The following MRPS25 variants were observed in gnomAD, a reference collection of about 807,000 sequenced individuals.
MRPS25 encodes small ribosomal subunit protein mS25.
A neutral mutation model predicts 17.3 loss-of-function variants in MRPS25; 15 were observed. The observed-to-expected ratio is 0.87, with a 90% CI of 0.58 to 1.34. The LOEUF (loss-of-function observed/expected upper bound fraction) is 1.34. MRPS25 is among the 40% of genes most tolerant of loss of function. The pLI, the probability that MRPS25 is intolerant of heterozygous loss-of-function variation, is 0.00. For missense variants in MRPS25, 225 were observed against 218.6 expected (o/e 1.03, Z -0.19); for synonymous variants, 94 against 83.3 (o/e 1.13, Z -0.70).
At position 15,050,513 on chromosome 3, in the gene MRPS25, T is replaced by A. The variant is rs1177880871; in HGVS notation, c.*1928A>T. 1.0e-6 allele frequency: 1 copy of A among 985,568 alleles called. No individual in the cohort carries two copies. The highest frequency in any genetic ancestry group is 1.7e-5 in the African/African-American group (1 of 57,216). The allele number at this position is 985,568 out of a possible 1,614,324, so 61.1% of individuals were successfully genotyped here. On this transcript the variant is annotated 3_prime_UTR_variant, in exon 4 of 4. Coordinates refer to ENST00000253686, the MANE Select transcript of MRPS25 (RefSeq NM_022497.5). Reference sequence around the variant, plus strand: ...ACTGCAGATGAAAGCCAAAAGGAACTAGGTGCTTTCTGAAGAGCCCTTGCA... The same window carrying A: ...ACTGCAGATGAAAGCCAAAAGGAACAAGGTGCTTTCTGAAGAGCCCTTGCA...
chr3:15,058,653 C>A (rs141657584), intron 2 of MRPS25, among the ~76,000 whole-genome samples: 1 of 152,182 alleles, frequency 6.6e-6, no homozygotes, highest in Non-Finnish European at 1.5e-5. Context: ...AATGAAAAAA[C>A]ATGGTCATTT....
chr3:15,061,452 G>T (rs1343469820), intron 1 of MRPS25, among the ~76,000 whole-genome samples: 1 of 152,226 alleles, frequency 6.6e-6, no homozygotes, highest in Non-Finnish European at 1.5e-5. Context: ...TCCTAACCGC[G>T]AGTGATCCGC....
downstream of MRPS25, chr3:15,042,334 C>T (rs1303005151): frequency 6.6e-6 from 1 of 152,338 alleles, no homozygotes; most frequent in Non-Finnish European, 1.5e-5. Flanking sequence ...CACCTCAAAT[C>T]CCAATACCCA....
intron 1 of MRPS25, among the ~76,000 whole-genome samples, chr3:15,060,818 T>G (rs764851193): frequency 3.4e-4 from 51 of 152,188 alleles, no homozygotes; most frequent in Non-Finnish European, 5.6e-4. Context: ...GAGGCAGAGC[T>G]TGCAGTGAGC....
In MRPS25 at chr3:15,050,781, C is replaced by T. The variant is rs993597098; in HGVS notation, c.*1660G>A. 11 of 985,392 alleles carry T rather than the reference C, an allele frequency of 1.1e-5. No individual in the cohort carries two copies. Among genetic ancestry groups the T allele is most frequent in the African/African-American group, 7.0e-5 (4 of 57,324 alleles). The allele number at this position is 985,392 out of a possible 1,614,324, so 61.0% of individuals were successfully genotyped here. ...TCTGCCCACCTTCCCCTCCCACCCC[C>T]GACAAGCCATCACCCCAAACCCAGA... On this transcript the variant is annotated 3_prime_UTR_variant, in exon 4 of 4. Transcript: ENST00000253686.
At chr3:15,048,436 C>T (rs1048575267), downstream of MRPS25, 1 of 152,358 alleles carries the variant, frequency 6.6e-6, no homozygotes, top group Non-Finnish European at 1.5e-5. Flanking sequence ...AGTATCTTTG[C>T]GGGGAGAAAA....
intron 1 of MRPS25, among the ~76,000 whole-genome samples, chr3:15,063,064 A>T (rs940886138): frequency 1.3e-5 from 2 of 151,712 alleles, no homozygotes; most frequent in Non-Finnish European, 2.9e-5. Flanking sequence ...AAAAAAAAAG[A>T]AAGTTAATAA....
Position 15,052,239 on chromosome 3 carries a change from A to C in MRPS25, c.*202T>G. 7.4e-7 allele frequency: 1 copy of C among 1,344,514 alleles called. No individual in the cohort carries two copies. Among genetic ancestry groups the C allele is most frequent in the East Asian group, 2.7e-5 (1 of 36,806 alleles). The allele number at this position is 1,344,514 out of a possible 1,614,324, so 83.3% of individuals were successfully genotyped here. A position where few individuals can be genotyped will look rare whatever the true frequency, so the allele number is the denominator to read the frequency against. On this transcript the variant is annotated 3_prime_UTR_variant, in exon 4 of 4. Transcript: ENST00000253686. ...TAGGAAGCGTTTTATTGACCAGCAG[A>C]GCAGGGATATTCATTTAGCAGCTCA...
rs866339633 is a variant in MRPS25 at position 15,050,718 on chromosome 3, C to T, written c.*1723G>A. 3 of 985,408 alleles carry T rather than the reference C, an allele frequency of 3.0e-6. No individual in the cohort carries two copies. Among genetic ancestry groups the T allele is most frequent in the Middle Eastern group, 5.2e-4 (1 of 1,918 alleles). 61.0% of individuals were successfully genotyped at this position (985,408 alleles called of 1,614,324 possible). A position where few individuals can be genotyped will look rare whatever the true frequency, so the allele number is the denominator to read the frequency against. On this transcript the variant is annotated 3_prime_UTR_variant, in exon 4 of 4. Transcript: ENST00000253686. ...TCAATTAAACACTCCCTTTGTAAGT[C>T]TGTCACTCAAGGAACACCTGTCCAT...
At chr3:15,042,840 C>T (rs771552565), downstream of MRPS25, 13 of 1,613,716 alleles carry the variant, frequency 8.1e-6, no homozygotes, top group Non-Finnish European at 1.0e-5. Context: ...ATAGATTGGC[C>T]CGGATCCTCG....
chr3:15,063,032 C>T (rs1433623708), intron 1 of MRPS25, among the ~76,000 whole-genome samples: 2 of 147,664 alleles, frequency 1.4e-5, no homozygotes, highest in Non-Finnish European at 3.0e-5. Flanking sequence ...GAGAAACACC[C>T]AAGAATGATC....
chr3:15,058,005 C>T (rs752726550), intron 2 of MRPS25, among the ~76,000 whole-genome samples: 1 of 151,918 alleles, frequency 6.6e-6, no homozygotes, highest in Non-Finnish European at 1.5e-5. Flanking sequence ...CCTCAGCCCC[C>T]CAAGTAGCTG....
rs2042573875 is a variant in MRPS25, at chr3:15,049,677, A to AAGTT, written c.*2760_*2763dup. 6 of 540,254 alleles carry AAGTT rather than the reference A, an allele frequency of 1.1e-5. No individual in the cohort carries two copies. The highest frequency in any genetic ancestry group is 3.4e-5 in the East Asian group (1 of 29,800). The allele number at this position is 540,254 out of a possible 1,614,324, so 33.5% of individuals were successfully genotyped here. A position where few individuals can be genotyped will look rare whatever the true frequency, so the allele number is the denominator to read the frequency against. On this transcript the variant is annotated 3_prime_UTR_variant, in exon 4 of 4. Transcript: ENST00000253686. ...CAAAAACAAGCTCCAAAAGTTTCAG[A>AAGTT]AGTTAGAACATATTCATTATGTCAT...
At position 15,049,617 on chromosome 3, in the gene MRPS25, CA is replaced by C. The variant is rs2125129945; in HGVS notation, c.*2823del. 4.1e-6 allele frequency: 2 copies of C among 482,500 alleles called. No homozygotes were observed. The highest frequency in any genetic ancestry group is 7.7e-5 in the East Asian group (2 of 26,100). 29.9% of individuals were successfully genotyped at this position (482,500 alleles called of 1,614,324 possible). Reference sequence around the variant, plus strand: ...CCATTACAGACAGGCCTTAAATTGGCAAGCTTATTCTCTAAGGATACGTGCT... The same window carrying C: ...CCATTACAGACAGGCCTTAAATTGGCAGCTTATTCTCTAAGGATACGTGCT... On this transcript the variant is annotated 3_prime_UTR_variant, in exon 4 of 4. Coordinates refer to ENST00000253686, the MANE Select transcript of MRPS25 (RefSeq NM_022497.5).
chr3:15,047,674 A>G (rs1398701689), downstream of MRPS25: 2 of 152,232 alleles, frequency 1.3e-5, no homozygotes, highest in South Asian at 4.1e-4. Context: ...CTGAATAAAT[A>G]GTAATTCCCA....
intron 2 of MRPS25, among the ~76,000 whole-genome samples, chr3:15,054,548 A>G (rs1385011138): frequency 6.6e-6 from 1 of 152,250 alleles, no homozygotes; most frequent in African/African-American, 2.4e-5. Context: ...CCTCAAAAAA[A>G]AAATTAAAAC....
intron 1 of MRPS25, 37 bp downstream of exon 1, chr3:15,065,024 G>C: frequency 1.9e-6 from 3 of 1,573,722 alleles, no homozygotes; most frequent in Non-Finnish European, 2.6e-6. Flanking sequence ...ACGACTAGCA[G>C]GTTACGGCTC....
chr3:15,047,668 A>C (rs1350376778), downstream of MRPS25: 1 of 152,234 alleles, frequency 6.6e-6, no homozygotes, highest in Non-Finnish European at 1.5e-5. Context: ...CTATGACTGA[A>C]TAAATAGTAA....
chr3:15,048,366 C>G (rs1334294236), downstream of MRPS25: 1 of 152,584 alleles, frequency 6.6e-6, no homozygotes, highest in Non-Finnish European at 1.5e-5. Context: ...TTAAAAGTTT[C>G]CTTTGGGGCT....
Sources: allele counts gnomAD v4.1 joint callset (sites outside exome capture counted in the v4.1 genomes callset), GRCh38; gene constraint gnomAD v4.1.1; transcripts MANE v1.5; gene names NCBI Gene and HGNC (gene_info 2026-07-23, HGNC 2026-07-21).